Variants in GPC5 observed in about 807,000 individuals in gnomAD.
GPC5 encodes glypican-5.
GPC5 carries 47 observed loss-of-function variants against 53.9 expected under a neutral mutation model. The ratio of observed to expected loss-of-function variants is 0.87; its 90% CI spans 0.69 to 1.11. The LOEUF is 1.11. Among genes scored for constraint, GPC5 ranks in the 50% most tolerant of loss-of-function variants. The pLI is 0.00. For synonymous variants in GPC5, 286 were observed against 263.3 expected (o/e 1.09, Z -0.84); for missense variants, 748 against 713.1 (o/e 1.05, Z -0.56).
At chr13:92,175,034 G>A (rs1164727410) in intron 7 of GPC5, among the ~76,000 whole-genome samples, 2 of 152,146 alleles carry the variant, frequency 1.3e-5, no homozygotes, top group Admixed American at 6.5e-5. Context: ...TGTAGTTTTA[G>A]TAGAGACGGG....
chr13:91,779,265 T>C (rs2037758912), intron 5 of GPC5, among the ~76,000 whole-genome samples: 1 of 152,268 alleles, frequency 6.6e-6, no homozygotes, highest in Non-Finnish European at 1.5e-5. Context: ...TTGAGTCTTT[T>C]GTAATAACAC....
intron 7 of GPC5, among the ~76,000 whole-genome samples, chr13:92,747,087 G>T (rs559445655): frequency 6.6e-6 from 1 of 152,162 alleles, no homozygotes; most frequent in Admixed American, 6.5e-5. Context: ...CAATCTTATG[G>T]GACCACTATC....
chr13:92,498,195 T>G (rs1880047079), intron 7 of GPC5, among the ~76,000 whole-genome samples: 1 of 152,076 alleles, frequency 6.6e-6, no homozygotes, highest in Non-Finnish European at 1.5e-5. Context: ...AGATCAAGTG[T>G]TTGACCTTTT....
At chr13:91,717,269 G>C (rs763687741) in intron 3 of GPC5, among the ~76,000 whole-genome samples, 2 of 152,234 alleles carry the variant, frequency 1.3e-5, no homozygotes, top group Non-Finnish European at 2.9e-5. Flanking sequence ...AGCTTCAGCT[G>C]TAAATTCACA....
intron 7 of GPC5, among the ~76,000 whole-genome samples, chr13:92,708,856 C>CT (rs1566376292): frequency 1.1e-5 from 1 of 87,018 alleles, no homozygotes; most frequent in African/African-American, 3.8e-5. Context: ...CTGGAAACCG[C>CT]CTTTTTTTTT....
At chr13:91,786,171 A>G (rs1315499862) in intron 5 of GPC5, among the ~76,000 whole-genome samples, 2 of 151,728 alleles carry the variant, frequency 1.3e-5, no homozygotes, top group Non-Finnish European at 2.9e-5. Context: ...TAATTTTTGT[A>G]TTTTTAGTCG....
chr13:92,295,246 T>A (rs935860696), intron 7 of GPC5, among the ~76,000 whole-genome samples: 1 of 152,232 alleles, frequency 6.6e-6, no homozygotes, highest in Non-Finnish European at 1.5e-5. Context: ...GAAAAGTTTT[T>A]AAATTTCTAT....
At chr13:92,320,265 TA>T in intron 7 of GPC5, among the ~76,000 whole-genome samples, 1 of 152,266 alleles carries the variant, frequency 6.6e-6, no homozygotes, top group South Asian at 2.1e-4. Flanking sequence ...CTAGGAAACT[TA>T]AATTCTCATC....
At chr13:92,404,422 C>T (rs1183871340) in intron 7 of GPC5, among the ~76,000 whole-genome samples, 4 of 152,090 alleles carry the variant, frequency 2.6e-5, no homozygotes, top group Non-Finnish European at 5.9e-5. Context: ...GGACCATCTG[C>T]CCAATGATCC....
chr13:92,785,449 A>C (rs1876193391), intron 7 of GPC5, among the ~76,000 whole-genome samples: 1 of 152,210 alleles, frequency 6.6e-6, no homozygotes, highest in Non-Finnish European at 1.5e-5. Flanking sequence ...GGTAGCTAAG[A>C]AAACTAATCT....
At chr13:92,807,012 A>G (rs1344628131) in intron 7 of GPC5, among the ~76,000 whole-genome samples, 4 of 152,204 alleles carry the variant, frequency 2.6e-5, no homozygotes, top group Admixed American at 2.0e-4. Context: ...GTGCAATAAA[A>G]TGTACTACAT....
At chr13:91,617,623 CCTCCCTCCCTCT>C (rs930903187) in intron 2 of GPC5, among the ~76,000 whole-genome samples, 4 of 151,900 alleles carry the variant, frequency 2.6e-5, no homozygotes, top group Admixed American at 6.6e-5. Flanking sequence ...CAAAGCAATC[CCTCCCTCCCTCT>C]CTCCCTCCCT....
At chr13:92,031,816 C>CATATTATATATAATATATAATATATTAA (rs2040850601) in intron 6 of GPC5, among the ~76,000 whole-genome samples, 1 of 83,842 alleles carries the variant, frequency 1.2e-5, no homozygotes, top group Non-Finnish European at 2.2e-5. Flanking sequence ...TAATATATTA[C>CATATTATATATAATATATAATATATTAA]ATATTATATA....
chr13:91,769,479 GC>G (rs1375796643), intron 5 of GPC5, among the ~76,000 whole-genome samples: 17 of 152,144 alleles, frequency 1.1e-4, no homozygotes, highest in African/African-American at 3.4e-4. Flanking sequence ...TGGGTTAAGG[GC>G]ATGTTAGATT....
At chr13:92,703,011 C>T (rs1887805588) in intron 7 of GPC5, among the ~76,000 whole-genome samples, 1 of 151,564 alleles carries the variant, frequency 6.6e-6, no homozygotes, top group Admixed American at 6.6e-5. Flanking sequence ...CAATTCTTCC[C>T]CCACCCTTAT....
At position 92,166,948 on chromosome 13, in the gene GPC5, T is replaced by A. The variant is rs888534742; in HGVS notation, c.1561+21959T>A. The stretch of plus-strand genomic sequence containing the variant: ...CTCTCTCTCTCTCTCTCTCTCTCTC[T>A]CTCTCTCTCACACACACACACACAC... On this transcript the variant is annotated intron_variant, in intron 7 of 7. Transcript: ENST00000377067. 4.2e-4 allele frequency among the ~76,000 whole-genome samples: 24 copies of A among 57,288 alleles called. No individual in the cohort carries two copies. In the East Asian group the frequency reaches 5.4e-3, roughly 13 times the overall value. 37.6% of individuals were successfully genotyped at this position (57,288 alleles called of 152,430 possible).
At chr13:91,927,325 G>A (rs17299452) in intron 6 of GPC5, among the ~76,000 whole-genome samples, 2 of 151,842 alleles carry the variant, frequency 1.3e-5, no homozygotes, top group South Asian at 2.1e-4. Flanking sequence ...CATTTTTTGC[G>A]GTCTTAATAT....
At chr13:92,385,471 C>CATATATACAT (rs1874605568) in intron 7 of GPC5, among the ~76,000 whole-genome samples, 1 of 77,276 alleles carries the variant, frequency 1.3e-5, no homozygotes, top group Admixed American at 1.3e-4. Flanking sequence ...CACATATATA[C>CATATATACAT]ATATATACAT....
intron 7 of GPC5, among the ~76,000 whole-genome samples, chr13:92,472,531 G>T (rs1001841534): frequency 3.3e-5 from 5 of 152,100 alleles, no homozygotes; most frequent in Non-Finnish European, 7.4e-5. Context: ...CTTGCCAGTT[G>T]CCCAAATAGA....
Sources: allele counts gnomAD v4.1 joint callset (sites outside exome capture counted in the v4.1 genomes callset), GRCh38; gene constraint gnomAD v4.1.1; transcripts MANE v1.5; gene names NCBI Gene and HGNC (gene_info 2026-07-23, HGNC 2026-07-21).